Variants in PKD2 observed in about 807,000 individuals in gnomAD.
PKD2 encodes polycystin 2, transient receptor potential cation channel.
A neutral mutation model predicts 105.9 loss-of-function variants in PKD2; 48 were observed. That is an observed-to-expected ratio of 0.45 (90% CI 0.36 to 0.58). The LOEUF (loss-of-function observed/expected upper bound fraction) is 0.58, where lower values mean the gene tolerates loss of function less well. PKD2 is among the 20% of genes least tolerant of loss of function. The pLI is 0.00. For synonymous variants in PKD2, 464 were observed against 481.1 expected (o/e 0.96, Z 0.46); for missense variants, 1,078 against 1,255.3 (o/e 0.86, Z 2.13).
intron 8 of PKD2, among the ~76,000 whole-genome samples, chr4:88,057,676 C>T (rs1158922837): frequency 5.3e-5 from 8 of 152,030 alleles, no homozygotes; most frequent in Non-Finnish European, 1.2e-4. Flanking sequence ...CCTCGTGATC[C>T]GCCCGCCTCG....
intron 12 of PKD2, among the ~76,000 whole-genome samples, chr4:88,066,140 T>C (rs1262415728): frequency 6.6e-6 from 1 of 152,172 alleles, no homozygotes; most frequent in Non-Finnish European, 1.5e-5. Context: ...AATAATGGAT[T>C]ATTAATGAAG....
chr4:88,061,703 A>G (rs1282129518), intron 9 of PKD2, among the ~76,000 whole-genome samples: 2 of 152,016 alleles, frequency 1.3e-5, no homozygotes, highest in African/African-American at 4.8e-5. Context: ...GCGCCCCTGC[A>G]CTCCAGCCTG....
At position 88,007,991 on chromosome 4, in the gene PKD2, G is replaced by C; in HGVS notation, c.258G>C (p.Ala86=). Residue 86 remains alanine, a synonymous_variant, in exon 1 of 15, where the codon GCG becomes GCC. Coordinates refer to ENST00000237596, the MANE Select transcript of PKD2 (RefSeq NM_000297.4). ...CGCTCTCGTCGTGCTCCCGGCAGGC[G>C]TGGAGCCGCGATAACCCCGGCTTCG... ...SPPLSSCSRQ[A]WSRDNPGFEA... is the part of the protein sequence containing the mutation. The C allele has an allele frequency of 6.6e-7, 1 of 1,514,900 alleles. No homozygotes were observed. Among genetic ancestry groups the C allele is most frequent in the Middle Eastern group, 1.7e-4 (1 of 5,838 alleles). The allele number at this position is 1,514,900 out of a possible 1,614,324, so 93.8% of individuals were successfully genotyped here.
At chr4:88,049,680 A>G (rs1719968047) in intron 6 of PKD2, among the ~76,000 whole-genome samples, 1 of 152,092 alleles carries the variant, frequency 6.6e-6, no homozygotes, top group South Asian at 2.1e-4. Context: ...GAAAGACCCA[A>G]CGCTTTTTGT....
intron 1 of PKD2, 108 bp from the exon 2 acceptor site, chr4:88,019,350 C>A: frequency 9.5e-6 from 6 of 634,572 alleles, no homozygotes; most frequent in East Asian, 2.9e-5. Flanking sequence ...AAAGGAGAAT[C>A]TCCCTTATAG....
intron 2 of PKD2, among the ~76,000 whole-genome samples, chr4:88,029,230 G>A (rs1727062556): frequency 3.3e-5 from 5 of 152,100 alleles, no homozygotes. Context: ...TCCTTGCTGT[G>A]TTCACTTGCT....
intron 4 of PKD2, among the ~76,000 whole-genome samples, chr4:88,039,427 A>G (rs2725216): frequency 0.53 from 80,826 of 151,918 alleles, 23,030 homozygotes; most frequent in African/African-American, 0.75. Flanking sequence ...CACTTTGGAA[A>G]GCCAAGGCGG....
intron 2 of PKD2, among the ~76,000 whole-genome samples, chr4:88,026,046 G>T (rs560782904): frequency 5.3e-5 from 8 of 152,128 alleles, no homozygotes; most frequent in Non-Finnish European, 1.0e-4. Context: ...ACAGAGACTT[G>T]GTACCAGGAG....
At chr4:88,008,884 T>G (rs1726295047) in intron 1 of PKD2, among the ~76,000 whole-genome samples, 1 of 152,158 alleles carries the variant, frequency 6.6e-6, no homozygotes, top group South Asian at 2.1e-4. Flanking sequence ...TGTGGTTGTT[T>G]TGAGGAGTGG....
chr4:88,036,882 G>A (rs1448782391), intron 3 of PKD2, among the ~76,000 whole-genome samples: 1 of 152,186 alleles, frequency 6.6e-6, no homozygotes, highest in Non-Finnish European at 1.5e-5. Context: ...ATGATGGCAT[G>A]TATCCCCAGC....
chr4:88,036,475 G>A, intron 3 of PKD2, 122 bp downstream of exon 3: 3 of 1,519,190 alleles, frequency 2.0e-6, no homozygotes, highest in Non-Finnish European at 2.7e-6. Flanking sequence ...TGAGACGTAA[G>A]TTATGGTGAG....
At chr4:88,013,320 G>A (rs116546205) in intron 1 of PKD2, among the ~76,000 whole-genome samples, 269 of 152,230 alleles carry the variant, frequency 1.8e-3, no homozygotes, top group African/African-American at 6.1e-3. Context: ...AATAATACAA[G>A]GTCTCGACCT....
chr4:88,055,105 A>G (rs540307966), intron 7 of PKD2, among the ~76,000 whole-genome samples: 54 of 152,278 alleles, frequency 3.5e-4, no homozygotes, highest in Middle Eastern at 6.8e-3. Context: ...AGGGTTCACT[A>G]TCTACCAACA....
At chr4:88,051,186 G>A (rs1013974059) in intron 6 of PKD2, among the ~76,000 whole-genome samples, 1 of 151,842 alleles carries the variant, frequency 6.6e-6, no homozygotes, top group Admixed American at 6.6e-5. Flanking sequence ...TGAGTTAAGG[G>A]ACAGAAATGA....
chr4:88,035,889 G>A (rs974806728), intron 2 of PKD2, among the ~76,000 whole-genome samples: 2 of 152,186 alleles, frequency 1.3e-5, no homozygotes, highest in African/African-American at 4.8e-5. Flanking sequence ...GAGGATCTGA[G>A]CCGAGAGGTG....
rs2110080518 is a variant in PKD2, at chr4:88,008,148, C to T, written c.415C>T (p.Arg139Trp). The change falls in exon 1 of 15, where the codon CGG (arginine) becomes TGG (tryptophan). Residue 139 changes from arginine (R) to tryptophan (W), a missense_variant. Transcript: ENST00000237596. ...SAVSSVGARS[R>W]GLGGYHGAGH... ...CGTGAGCTCCGTGGGCGCGCGGAGCCGGGGGCTTGGGGGCTACCACGGCGC... is the reference window on the plus strand; with the variant it reads ...CGTGAGCTCCGTGGGCGCGCGGAGCTGGGGGCTTGGGGGCTACCACGGCGC... The T allele has an allele frequency of 6.8e-7, 1 of 1,478,200 alleles. No individual in the cohort carries two copies. Among genetic ancestry groups the T allele is most frequent in the Non-Finnish European group, 8.9e-7 (1 of 1,118,404 alleles). 91.6% of individuals were successfully genotyped at this position (1,478,200 alleles called of 1,614,324 possible).
rs555242193 is a variant in PKD2, at chr4:88,065,807, C to T, written c.2286C>T (p.Tyr762=). Reference sequence around the variant, plus strand: ...AGATTGAGGCAATATTCACAAAGTACGACCAAGATGGAGACCAAGAACTGA... The same window carrying T: ...AGATTGAGGCAATATTCACAAAGTATGACCAAGATGGAGACCAAGAACTGA... ...DAEIEAIFTK[Y]DQDGDQELTE... Residue 762 remains tyrosine, a synonymous_variant, in exon 12 of 15, where the codon TAC becomes TAT. Coordinates refer to ENST00000237596, the MANE Select transcript of PKD2 (RefSeq NM_000297.4). The T allele has an allele frequency of 8.2e-5, 133 of 1,613,396 alleles. 5 individuals are homozygous for T. The South Asian group carries it at 1.3e-3, about 16-fold the overall frequency.
At chr4:88,038,641 C>A in intron 4 of PKD2, 140 bp downstream of exon 4, 1 of 847,516 alleles carries the variant, frequency 1.2e-6, no homozygotes, top group Non-Finnish European at 2.0e-6. Context: ...ATATTTAAAC[C>A]TTGGCCAACT....
rs972369481 is a variant in PKD2 at position 88,015,925 on chromosome 4, C to T, written c.596-3533C>T. On this transcript the variant is annotated intron_variant, in intron 1 of 14. Transcript: ENST00000237596. ...CCCCAACCTTTTTGGCACCAGGGAC[C>T]GGCTTCATGGAAGACAATTTTTCCA... is the stretch of plus-strand genomic sequence containing the variant. Among the ~76,000 whole-genome samples the T allele has an allele frequency of 3.9e-5, 6 of 152,122 alleles. No individual in the cohort carries two copies. In the East Asian group the frequency reaches 5.8e-4, roughly 15 times the overall value.
Sources: gnomAD v4.1 joint callset for allele counts (sites outside exome capture counted in the v4.1 genomes callset) on GRCh38, gnomAD v4.1.1 for gene constraint, MANE v1.5 for transcripts, NCBI Gene and HGNC (gene_info 2026-07-23, HGNC 2026-07-21) for gene names.